PDS5B: variants seen among roughly 807,000 people sequenced by gnomAD.
PDS5B encodes PDS5 cohesin associated factor B, also known as sister chromatid cohesion protein PDS5 homolog B.
A neutral mutation model predicts 184.1 loss-of-function variants in PDS5B; 51 were observed. The observed-to-expected ratio is 0.28, with a 90% CI of 0.22 to 0.35. The LOEUF (loss-of-function observed/expected upper bound fraction) is 0.35, where lower values mean the gene tolerates loss of function less well. Among genes scored for constraint, PDS5B ranks in the 10% least tolerant of loss-of-function variants. The pLI, the probability that PDS5B is intolerant of heterozygous loss-of-function variation, is 1.00. For missense variants in PDS5B, 1,180 were observed against 1,723.3 expected (o/e 0.68, Z 5.58); for synonymous variants, 566 against 569.2 (o/e 0.99, Z 0.08).
chr13:32,698,071 T>C (rs1397736842), intron 15 of PDS5B, among the ~76,000 whole-genome samples: 1 of 151,908 alleles, frequency 6.6e-6, no homozygotes, highest in African/African-American at 2.4e-5. Context: ...TCCCTATCAG[T>C]TTTCTTCCAG....
intron 1 of PDS5B, among the ~76,000 whole-genome samples, chr13:32,642,616 A>G (rs1950127281): frequency 2.0e-5 from 3 of 152,286 alleles, no homozygotes; most frequent in East Asian, 1.9e-4. Context: ...AATGCTGTTC[A>G]TAAGACTGAA....
chr13:32,722,500 T>C (rs1439721936), intron 19 of PDS5B, among the ~76,000 whole-genome samples: 3 of 152,234 alleles, frequency 2.0e-5, no homozygotes, highest in African/African-American at 4.8e-5. Context: ...TACAAGTTTG[T>C]AGTCTAGGAG....
intron 6 of PDS5B, among the ~76,000 whole-genome samples, chr13:32,663,900 C>T (rs529609606): frequency 6.5e-4 from 99 of 152,038 alleles, no homozygotes; most frequent in Admixed American, 1.3e-3. Flanking sequence ...TCCCTGTAGT[C>T]CATTATATCA....
intron 7 of PDS5B, among the ~76,000 whole-genome samples, chr13:32,671,501 G>A (rs1463407259): frequency 6.6e-6 from 1 of 152,070 alleles, no homozygotes; most frequent in Non-Finnish European, 1.5e-5. Flanking sequence ...AAGCAAAAAA[G>A]CCACTTTATT....
Position 32,716,253 on chromosome 13 carries a change from G to A in PDS5B, c.2123+6147G>A, listed in dbSNP as rs554589910. On this transcript the variant is annotated intron_variant, in intron 19 of 34. Transcript: ENST00000315596. ...CCGGCCGCCATCCCATCTAGGAAGT[G>A]AGGAGTGTCTCTGCCTGGCCTCCCA... Among the ~76,000 whole-genome samples, 18 of 151,990 alleles carry A rather than the reference G, an allele frequency of 1.2e-4. No individual in the cohort carries two copies. In the East Asian group the frequency reaches 3.3e-3, roughly 28 times the overall value.
At chr13:32,684,121 A>T in intron 11 of PDS5B, 98 bp downstream of exon 11, 1 of 541,642 alleles carries the variant, frequency 1.8e-6, no homozygotes, top group Non-Finnish European at 2.9e-6. Context: ...TTTAAATATA[A>T]TTAGCCTTTT....
At chr13:32,621,671 CA>C (rs200989825) in intron 1 of PDS5B, among the ~76,000 whole-genome samples, 1 of 133,226 alleles carries the variant, frequency 7.5e-6, no homozygotes, top group Non-Finnish European at 1.7e-5. Context: ...TTGTTAATTA[CA>C]TTTTTTTTTC....
intron 17 of PDS5B, among the ~76,000 whole-genome samples, chr13:32,706,685 C>T (rs1338488127): frequency 1.3e-5 from 2 of 152,090 alleles, no homozygotes; most frequent in Non-Finnish European, 2.9e-5. Context: ...ATATTGATAG[C>T]ATTAATAAAG....
chr13:32,682,288 C>A (rs554052608), intron 10 of PDS5B, among the ~76,000 whole-genome samples: 7 of 152,180 alleles, frequency 4.6e-5, no homozygotes, highest in African/African-American at 1.4e-4. Flanking sequence ...CCCCTGTATC[C>A]CCTTCCAGTT....
chr13:32,765,119 T>G (rs1397714255), intron 31 of PDS5B, among the ~76,000 whole-genome samples: 2 of 152,214 alleles, frequency 1.3e-5, no homozygotes, highest in African/African-American at 2.4e-5. Context: ...ACAGTTTGTG[T>G]TGTTTTAAGA....
At chr13:32,726,366 G>A (rs1181853091) in intron 19 of PDS5B, among the ~76,000 whole-genome samples, 1 of 152,152 alleles carries the variant, frequency 6.6e-6, no homozygotes, top group Non-Finnish European at 1.5e-5. Flanking sequence ...TATGGACATT[G>A]GGTTGTTTTC....
intron 1 of PDS5B, among the ~76,000 whole-genome samples, chr13:32,627,266 G>A (rs2058384414): frequency 6.6e-6 from 1 of 152,178 alleles, no homozygotes; most frequent in South Asian, 2.1e-4. Flanking sequence ...AACTGCAGGT[G>A]CAGTGCTTTA....
At chr13:32,596,083 T>C (rs1299692553) in intron 1 of PDS5B, among the ~76,000 whole-genome samples, 1 of 152,216 alleles carries the variant, frequency 6.6e-6, no homozygotes, top group Admixed American at 6.5e-5. Context: ...TGAGGTGTAA[T>C]TAAAATACAG....
At chr13:32,595,448 A>G (rs2057849366) in intron 1 of PDS5B, among the ~76,000 whole-genome samples, 2 of 152,226 alleles carry the variant, frequency 1.3e-5, no homozygotes, top group East Asian at 3.8e-4. Flanking sequence ...AAAAGTTTAT[A>G]TATGTTAATG....
At chr13:32,635,776 T>C (rs899938727) in intron 1 of PDS5B, among the ~76,000 whole-genome samples, 1 of 150,092 alleles carries the variant, frequency 6.7e-6, no homozygotes, top group African/African-American at 2.5e-5. Context: ...TTTTTTTTTT[T>C]TTTTTTTTTG....
At chr13:32,653,436 G>A (rs763505532) in intron 3 of PDS5B, among the ~76,000 whole-genome samples, 2 of 152,148 alleles carry the variant, frequency 1.3e-5, no homozygotes, top group African/African-American at 2.4e-5. Context: ...GTCAGGAACT[G>A]GATTTACAGT....
At chr13:32,772,126 A>G (rs1236612251) in intron 33 of PDS5B, among the ~76,000 whole-genome samples, 2 of 152,124 alleles carry the variant, frequency 1.3e-5, no homozygotes, top group East Asian at 1.9e-4. Context: ...TGTTATTTCT[A>G]TAGTTTCATT....
intron 21 of PDS5B, among the ~76,000 whole-genome samples, chr13:32,736,868 G>C (rs7319930): frequency 6.6e-6 from 1 of 151,576 alleles, no homozygotes; most frequent in African/African-American, 2.4e-5. Context: ...GAGTTCACTC[G>C]CTTCAGTTTT....
rs763837658 is a variant in PDS5B at position 32,753,395 on chromosome 13, C to T, written c.2800C>T (p.Arg934Trp). Reference sequence around the variant, plus strand: ...ACTTCACAAAGGCCTTTCCCGTTTACGGCTTCCACTTGAGTATATGGCAAT... The same window carrying T: ...ACTTCACAAAGGCCTTTCCCGTTTATGGCTTCCACTTGAGTATATGGCAAT... ...QKLHKGLSRL[R>W]LPLEYMAICA... Residue 934 changes from arginine to tryptophan, a missense_variant, in exon 25 of 35, where the codon CGG (arginine) becomes TGG (tryptophan). Physicochemically the swap from Arg to Trp is moderately radical, Grantham distance 101. This residue lies in a region of PDS5B where 40 missense variants were observed against 107.2 expected (regional missense o/e 0.37). Transcript: ENST00000315596. 1.9e-6 allele frequency: 3 copies of T among 1,613,742 alleles called. No individual in the cohort carries two copies. Among genetic ancestry groups the T allele is most frequent in the Non-Finnish European group, 2.5e-6 (3 of 1,179,818 alleles).
Sources: gnomAD v4.1 joint callset for allele counts (sites outside exome capture counted in the v4.1 genomes callset) on GRCh38, gnomAD v4.1.1 for gene constraint, gnomAD v4.1.1 regional missense constraint, MANE v1.5 for transcripts, NCBI Gene and HGNC (gene_info 2026-07-23, HGNC 2026-07-21) for gene names.